TTN: variants seen among roughly 807,000 people sequenced by gnomAD.
TTN encodes the protein titin.
A neutral mutation model predicts 3,223.0 loss-of-function variants in TTN; 1,525 were observed. That is an observed-to-expected ratio of 0.47 (90% CI 0.45 to 0.49). TTN has a LOEUF of 0.49. TTN is among the 20% of genes least tolerant of loss of function. The pLI, the probability that TTN is intolerant of heterozygous loss-of-function variation, is 0.00. For missense variants in TTN, 40,786 were observed against 43,424.0 expected (o/e 0.94, Z 5.40); for synonymous variants, 14,094 against 15,161.0 (o/e 0.93, Z 5.17).
chr2:178,751,405 G>C, intron 47 of TTN: 1 of 1,608,886 alleles, frequency 6.2e-7, no homozygotes, highest in Non-Finnish European at 8.5e-7. Flanking sequence ...CTGTTTTCTT[G>C]GCAGAACTCA....
In TTN at chr2:178,701,579, C is replaced by G; in HGVS notation, c.30547G>C (p.Asp10183His). The G allele has an allele frequency of 6.2e-6, 10 of 1,613,454 alleles. No homozygotes were observed. Among genetic ancestry groups the G allele is most frequent in the Non-Finnish European group, 8.5e-6 (10 of 1,179,668 alleles). Residue 10183 changes from aspartate (D) to histidine (H), a missense_variant, in exon 110 of 363, where the codon GAC (aspartate) becomes CAC (histidine). Transcript: ENST00000589042. ...ATGGTTGGGATTGGAACTCTGGAGTCAGGAATATCTGGAAAGGGACATGTA... is the reference window on the plus strand; with the variant it reads ...ATGGTTGGGATTGGAACTCTGGAGTGAGGAATATCTGGAAAGGGACATGTA... ...KLELKPPDIP[D>H]SRVPIPTMPI...
intron 223 of TTN, 59 bp downstream of exon 223, chr2:178,639,624 AATTTTAATCAAGTGTG>A (rs1199772520): frequency 1.9e-4 from 272 of 1,467,348 alleles, no homozygotes; most frequent in Non-Finnish European, 2.5e-4. Context: ...ACAGGGCTTG[AATTTTAATCAAGTGTG>A]AATACTTTTA....
At chr2:178,742,040 A>T in intron 47 of TTN, 119 bp from the exon 48 acceptor site, 1 of 805,250 alleles carries the variant, frequency 1.2e-6, no homozygotes, top group Non-Finnish European at 1.7e-6. Context: ...GAATGATTAG[A>T]TTATTCCAAG....
chr2:178,651,546 ATAT>A lies in TTN; in HGVS notation c.39464-13_39464-11del, dbSNP rs752522956. On this transcript the variant is annotated splice_polypyrimidine_tract_variant and intron_variant, in intron 206 of 362. Transcript: ENST00000589042. ...TTGGGCACCTCGGGCACTATAAAAG[ATAT>A]TAGTAGTTGTTTAAGCTCATGGTTT... 12 of 1,612,716 alleles carry A rather than the reference ATAT, an allele frequency of 7.4e-6. No individual in the cohort carries two copies. The highest frequency in any genetic ancestry group is 2.7e-5 in the African/African-American group (2 of 74,926).
At chr2:178,550,945 G>A in intron 336 of TTN, 22 bp downstream of exon 336, 1 of 1,606,814 alleles carries the variant, frequency 6.2e-7, no homozygotes, top group Non-Finnish European at 8.5e-7. Flanking sequence ...AGTCTCATTG[G>A]AAATAAGTTG....
rs559113689 is a variant in TTN, at chr2:178,651,434, A to G, written c.39547+19T>C. On this transcript the variant is annotated intron_variant, in intron 207 of 362. Transcript: ENST00000589042. ...GGGGCTCCATCCGCCCCCATCAAACAGTGGACAGCCACATATACCTTTAGC... is the reference window on the plus strand; with the variant it reads ...GGGGCTCCATCCGCCCCCATCAAACGGTGGACAGCCACATATACCTTTAGC... The G allele has an allele frequency of 7.5e-6, 12 of 1,604,478 alleles. No individual in the cohort carries two copies. In the African/African-American group the frequency reaches 1.6e-4, roughly 22 times the overall value.
rs369915523 is a variant in TTN at position 178,729,185 on chromosome 2, A to G, written c.18869-16T>C. ...GATGGTGGTTCTGTGATTAAATAAG[A>G]GAGTGTGAAAAGAAGAAACATATTG... On this transcript the variant is annotated splice_polypyrimidine_tract_variant and intron_variant, in intron 64 of 362. Coordinates refer to ENST00000589042, the MANE Select transcript of TTN (RefSeq NM_001267550.2). The G allele has an allele frequency of 6.4e-7, 1 of 1,556,774 alleles. No homozygotes were observed. Among genetic ancestry groups the G allele is most frequent in the South Asian group, 1.2e-5 (1 of 80,140 alleles).
Position 178,776,091 on chromosome 2 carries a change from C to T in TTN, c.5773G>A (p.Val1925Met). Residue 1925 changes from valine (V) to methionine (M), a missense_variant, in exon 28 of 363, where the codon GTG (valine) becomes ATG (methionine). Val to Met is a conservative substitution (Grantham distance 21). Transcript: ENST00000589042. Reference sequence around the variant, plus strand: ...TCCCTCTGTTGAATCTCAAGCTTCACTTTATGCTCTATCACACCTTCAGGA... The same window carrying T: ...TCCCTCTGTTGAATCTCAAGCTTCATTTTATGCTCTATCACACCTTCAGGA... ...ENPEGVIEHKVKLEIQQREDF... is the reference protein window; with the variant it reads ...ENPEGVIEHKMKLEIQQREDF... The T allele has an allele frequency of 6.2e-7, 1 of 1,614,148 alleles. No individual in the cohort carries two copies. Among genetic ancestry groups the T allele is most frequent in the Non-Finnish European group, 8.5e-7 (1 of 1,180,002 alleles).
rs776943120 is a variant in TTN at position 178,726,001 on chromosome 2, T to C, written c.20321A>G (p.Lys6774Arg). Reference sequence around the variant, plus strand: ...ACATTCAAGACTGACTTCAGCATTTTTAAGGGTTTCTACTATAGGAGGGAA... The same window carrying C: ...ACATTCAAGACTGACTTCAGCATTTCTAAGGGTTTCTACTATAGGAGGGAA... ...SSFPPIVETLKNAEVSLECEL... is the reference protein window; with the variant it reads ...SSFPPIVETLRNAEVSLECEL... Residue 6774 changes from lysine to arginine, a missense_variant, in exon 70 of 363, where the codon AAA (lysine) becomes AGA (arginine). Transcript: ENST00000589042. 3.1e-6 allele frequency: 5 copies of C among 1,595,524 alleles called. No individual in the cohort carries two copies. Among genetic ancestry groups the C allele is most frequent in the Non-Finnish European group, 4.3e-6 (5 of 1,169,604 alleles).
intron 88 of TTN, among the ~76,000 whole-genome samples, chr2:178,716,813 G>A (rs527889311): frequency 6.6e-6 from 1 of 152,202 alleles, no homozygotes; most frequent in East Asian, 1.9e-4. Context: ...TTTCAAACTA[G>A]GATTTTCTTG....
Position 178,727,608 on chromosome 2 carries a change from CAA to C in TTN, c.19968_19969del (p.Cys6657TyrfsTer26). On this transcript the variant is annotated frameshift_variant, in exon 68 of 363. Transcript: ENST00000589042. LOFTEE classifies it high-confidence loss of function. ...ACCTGTCACAAGCAACATCGTAGTA[CAA>C]GAGTCGCTACCAACATCATTGGTAA... 6.3e-7 allele frequency: 1 copy of C among 1,589,270 alleles called. No homozygotes were observed. Among genetic ancestry groups the C allele is most frequent in the Non-Finnish European group, 8.6e-7 (1 of 1,167,992 alleles).
chr2:178,675,350 T>G (rs1001425867), intron 149 of TTN: 1 of 392,826 alleles, frequency 2.5e-6, no homozygotes. Flanking sequence ...TATTTCTTTT[T>G]TCTTTTGTCT....
intron 91 of TTN, 23 bp downstream of exon 91, chr2:178,714,269 G>A: frequency 6.2e-7 from 1 of 1,605,440 alleles, no homozygotes; most frequent in Non-Finnish European, 8.5e-7. Context: ...TTGTATCTGT[G>A]ATAACATCAT....
At position 178,567,310 on chromosome 2, in the gene TTN, A is replaced by AGAACCTGCAACATTGGAAGCTCTT; in HGVS notation, c.78798_78821dup (p.Arg26267_Ser26274dup). ...CTTTTACATTTACTGGGAATGACTT[A>AGAACCTGCAACATTGGAAGCTCTT]GAACCTGCAACATTGGAAGCTCTTA... On this transcript the variant is annotated inframe_insertion, in exon 326 of 363. Coordinates refer to ENST00000589042, the MANE Select transcript of TTN (RefSeq NM_001267550.2). The AGAACCTGCAACATTGGAAGCTCTT allele has an allele frequency of 6.2e-7, 1 of 1,606,436 alleles. No homozygotes were observed. Among genetic ancestry groups the AGAACCTGCAACATTGGAAGCTCTT allele is most frequent in the South Asian group, 1.1e-5 (1 of 89,256 alleles).
At chr2:178,707,142 C>A (rs2076004469) in intron 100 of TTN, among the ~76,000 whole-genome samples, 188 bp from the exon 101 acceptor site, 1 of 152,134 alleles carries the variant, frequency 6.6e-6, no homozygotes. Context: ...TGATAGCTAT[C>A]AAAGGTTGAA....
Position 178,791,663 on chromosome 2 carries a change from ATGTG to A in TTN, c.1662+405_1662+408del, listed in dbSNP as rs58282760. Among the ~76,000 whole-genome samples, 65 of 147,484 alleles carry A rather than the reference ATGTG, an allele frequency of 4.4e-4. No individual in the cohort carries two copies. The East Asian group carries it at 4.8e-3, about 11-fold the overall frequency. On this transcript the variant is annotated intron_variant, in intron 10 of 362. Coordinates refer to ENST00000589042, the MANE Select transcript of TTN (RefSeq NM_001267550.2). The stretch of plus-strand genomic sequence containing the variant: ...GTGTTTATGGCTGATGTATGTGTAT[ATGTG>A]TGTGTGTGTGTGTGTGTGTGTGCAT...
rs2052736042 is a variant in TTN, at chr2:178,599,616, T to C, written c.56285A>G (p.Tyr18762Cys). 4 of 1,611,234 alleles carry C rather than the reference T, an allele frequency of 2.5e-6. No individual in the cohort carries two copies. In the South Asian group the frequency reaches 3.3e-5, roughly 13 times the overall value. Residue 18762 changes from tyrosine to cysteine, a missense_variant, in exon 289 of 363, where the codon TAT becomes TGT. Physicochemically the swap from Tyr to Cys is radical, Grantham distance 194. Transcript: ENST00000589042. ...PQSRRSDTGL[Y>C]TITAVNNLGT... Reference sequence around the variant, plus strand: ...CAGATTATTTACAGCTGTGATGGTATATAAGCCAGTGTCACTCCTGCGAGA... The same window carrying C: ...CAGATTATTTACAGCTGTGATGGTACATAAGCCAGTGTCACTCCTGCGAGA...
Position 178,679,980 on chromosome 2 carries a change from T to C in TTN, c.33494A>G (p.Tyr11165Cys). 1 of 1,613,102 alleles carries C rather than the reference T, an allele frequency of 6.2e-7. No homozygotes were observed. Among genetic ancestry groups the C allele is most frequent in the Non-Finnish European group, 8.5e-7 (1 of 1,179,332 alleles). Residue 11165 changes from tyrosine to cysteine, a missense_variant, in exon 140 of 363, where the codon TAT becomes TGT. Tyr to Cys is a radical substitution (Grantham distance 194). Transcript: ENST00000589042. ...EEEVVTHVEE[Y>C]LVEEEEEYIH... Reference sequence around the variant, plus strand: ...GTACTCTTCTTCTTCTTCTACAAGATATTCTTCTACATGGGTTACAACTTC... The same window carrying C: ...GTACTCTTCTTCTTCTTCTACAAGACATTCTTCTACATGGGTTACAACTTC...
Position 178,633,936 on chromosome 2 carries a change from A to C in TTN, c.42563T>G (p.Leu14188Arg). 2 of 1,613,352 alleles carry C rather than the reference A, an allele frequency of 1.2e-6. No individual in the cohort carries two copies. Among genetic ancestry groups the C allele is most frequent in the Non-Finnish European group, 1.7e-6 (2 of 1,179,538 alleles). Residue 14188 changes from leucine to arginine, a missense_variant, in exon 231 of 363, where the codon CTC becomes CGC. Leu to Arg is a moderately radical substitution (Grantham distance 102, BLOSUM62 -2). Transcript: ENST00000589042. Reference protein sequence around the residue: ...DAKLHTSRTVLISSEGKTHKL... With the variant: ...DAKLHTSRTVRISSEGKTHKL... Reference sequence around the variant, plus strand: ...GTGAGTCTTGCCCTCAGAAGAGATGAGTACTGTTCTGCTTGTATGGAGTTT... The same window carrying C: ...GTGAGTCTTGCCCTCAGAAGAGATGCGTACTGTTCTGCTTGTATGGAGTTT...
Sources: gnomAD v4.1 joint callset for allele counts (sites outside exome capture counted in the v4.1 genomes callset) on GRCh38, gnomAD v4.1.1 for gene constraint, MANE v1.5 for transcripts, NCBI Gene and HGNC (gene_info 2026-07-23, HGNC 2026-07-21) for gene names.